The following PPARGC1A variants were observed in gnomAD, a reference collection of about 807,000 sequenced individuals.
The protein encoded by PPARGC1A is peroxisome proliferator-activated receptor gamma coactivator 1-alpha.
PPARGC1A carries 25 observed loss-of-function variants against 88.7 expected under a neutral mutation model. That is an observed-to-expected ratio of 0.28 (90% confidence interval 0.21 to 0.39). PPARGC1A has a LOEUF of 0.39. Ranked by LOEUF, PPARGC1A falls within the 10% of genes least tolerant of loss-of-function variation. PPARGC1A has a pLI of 1.00. For missense variants in PPARGC1A, 880 were observed against 968.7 expected, an observed-to-expected ratio of 0.91 and a Z score of 1.22; for synonymous variants, 363 against 355.6, an observed-to-expected ratio of 1.02 and a Z score of -0.24.
At chr4:23,831,077 T>C (rs1724919061) in intron 3 of PPARGC1A, among the ~76,000 whole-genome samples, 1 of 152,174 alleles carries the variant, frequency 6.6e-6, no homozygotes, top group Admixed American at 6.6e-5. Context: ...TATCCACCCA[T>C]AAAAGATTGC....
upstream of PPARGC1A, among the ~76,000 whole-genome samples, chr4:23,903,478 A>G (rs527980919): frequency 6.6e-6 from 1 of 152,304 alleles, no homozygotes; most frequent in African/African-American, 2.4e-5. Context: ...ACTTTTACAT[A>G]ATGTTTGAGT....
the PPARGC1A span, among the ~76,000 whole-genome samples, chr4:24,098,569 G>GAAACAGAATCCATTTCAATACTTA: frequency 6.6e-6 from 1 of 152,266 alleles, no homozygotes; most frequent in East Asian, 1.9e-4. Context: ...TTCAAACCAA[G>GAAACAGAATCCATTTCAATACTTA]AAACAGAATC....
chr4:23,839,766 A>G (rs1217174214), intron 2 of PPARGC1A, among the ~76,000 whole-genome samples: 1 of 151,646 alleles, frequency 6.6e-6, no homozygotes, highest in Non-Finnish European at 1.5e-5. Context: ...GGAAAGGGGA[A>G]CAAGTCACAT....
At chr4:23,857,766 G>A (rs1730466785) in intron 2 of PPARGC1A, among the ~76,000 whole-genome samples, 1 of 151,414 alleles carries the variant, frequency 6.6e-6, no homozygotes, top group African/African-American at 2.4e-5. Flanking sequence ...CCACTCCAGG[G>A]CTAGCACAGA....
chr4:24,265,727 G>T, the PPARGC1A span, among the ~76,000 whole-genome samples: 640 of 152,126 alleles, frequency 4.2e-3, 3 homozygotes, highest in African/African-American at 0.015. Context: ...TAGATACACT[G>T]GAAGTGGAAG....
chr4:23,958,825 G>A, the PPARGC1A span, among the ~76,000 whole-genome samples: 2 of 152,040 alleles, frequency 1.3e-5, no homozygotes, highest in African/African-American at 4.8e-5. Context: ...TACTAAGAAA[G>A]GCTAGAAAAT....
chr4:23,930,736 C>G, the PPARGC1A span, among the ~76,000 whole-genome samples: 1 of 152,146 alleles, frequency 6.6e-6, no homozygotes, highest in African/African-American at 2.4e-5. Flanking sequence ...CAAACACATG[C>G]AGGAAAGTGA....
chr4:24,342,435 A>G, the PPARGC1A span, among the ~76,000 whole-genome samples: 1 of 152,202 alleles, frequency 6.6e-6, no homozygotes, highest in South Asian at 2.1e-4. Context: ...GACAATTACC[A>G]AATCTATTAT....
the PPARGC1A span, among the ~76,000 whole-genome samples, chr4:24,391,366 A>G: frequency 2.6e-5 from 4 of 152,182 alleles, no homozygotes; most frequent in Non-Finnish European, 5.9e-5. Context: ...ATCTAAACCT[A>G]CAAAAAGTCT....
At chr4:24,398,310 C>G in the PPARGC1A span, among the ~76,000 whole-genome samples, 7 of 152,092 alleles carry the variant, frequency 4.6e-5, no homozygotes, top group African/African-American at 1.7e-4. Context: ...TAAAAATTAA[C>G]ATTTCTGGCC....
At chr4:23,800,570 T>C (rs1718482794) in intron 12 of PPARGC1A, among the ~76,000 whole-genome samples, 1 of 150,872 alleles carries the variant, frequency 6.6e-6, no homozygotes, top group Non-Finnish European at 1.5e-5. Context: ...TATATATTAA[T>C]TGAGAAAAGT....
At chr4:23,889,445 G>A (rs1717459351) in intron 1 of PPARGC1A, 2 of 903,246 alleles carry the variant, frequency 2.2e-6, no homozygotes, top group Non-Finnish European at 2.6e-6. Context: ...AACAGAGAGA[G>A]AGGGGGGAAA....
At chr4:23,897,414 T>C (rs962369704) in intron 1 of PPARGC1A, among the ~76,000 whole-genome samples, 3 of 152,158 alleles carry the variant, frequency 2.0e-5, no homozygotes, top group African/African-American at 7.2e-5. Context: ...TTGCCAGCAA[T>C]TTGACTTTGG....
At chr4:23,918,193 C>T in the PPARGC1A span, among the ~76,000 whole-genome samples, 753 of 151,958 alleles carry the variant, frequency 5.0e-3, 37 homozygotes, top group East Asian at 0.1. Flanking sequence ...TGGGGAGGTC[C>T]GACACAACAA....
the PPARGC1A span, among the ~76,000 whole-genome samples, chr4:24,153,628 A>G: frequency 5.8e-4 from 88 of 152,326 alleles, no homozygotes; most frequent in Non-Finnish European, 5.9e-5. Context: ...ATCAGTCCGT[A>G]GTCCATAAAA....
chr4:24,249,644 A>C, the PPARGC1A span, among the ~76,000 whole-genome samples: 4 of 152,228 alleles, frequency 2.6e-5, no homozygotes, highest in African/African-American at 9.6e-5. Flanking sequence ...CCCCAGGTTA[A>C]CAGTGGGAGG....
chr4:23,829,357 C>T, intron 4 of PPARGC1A, 106 bp downstream of exon 4: 1 of 1,256,160 alleles, frequency 8.0e-7, no homozygotes, highest in Non-Finnish European at 1.1e-6. Flanking sequence ...TATGAGGCAG[C>T]TTCGGGGTCC....
chr4:24,140,306 C>T, the PPARGC1A span, among the ~76,000 whole-genome samples: 1 of 152,144 alleles, frequency 6.6e-6, no homozygotes, highest in Admixed American at 6.5e-5. Context: ...TAAAGATAAA[C>T]TTGAGTTATA....
chr4:24,064,471 C>T, the PPARGC1A span, among the ~76,000 whole-genome samples: 22 of 152,110 alleles, frequency 1.4e-4, no homozygotes, highest in Admixed American at 5.9e-4. Flanking sequence ...GAAAGGGTCA[C>T]GGGGAAGAGA....
Sources: allele counts gnomAD v4.1 joint callset (sites outside exome capture counted in the v4.1 genomes callset), GRCh38; gene constraint gnomAD v4.1.1; transcripts MANE v1.5; gene names NCBI Gene and HGNC (gene_info 2026-07-23, HGNC 2026-07-21).